The following ANKRD11 variants were observed in gnomAD, a reference collection of about 807,000 sequenced individuals.
The protein encoded by ANKRD11 is ankyrin repeat domain 11, also known as ankyrin repeat domain-containing protein 11.
Under a neutral mutation model 195.7 loss-of-function variants are expected in ANKRD11, and 17 were observed. The observed-to-expected ratio is 0.09, with a 90% CI of 0.06 to 0.13. The LOEUF is 0.13. ANKRD11 is among the 10% of genes least tolerant of loss of function. ANKRD11 has a pLI of 1.00. For missense variants in ANKRD11, 3,735 were observed against 3,566.1 expected (o/e 1.05, Z -1.21); for synonymous variants, 1,953 against 1,528.1 (o/e 1.28, Z -6.49).
rs2034199861 is a variant in ANKRD11, at chr16:89,281,147, G to C, written c.5395C>G (p.Pro1799Ala). 6.2e-7 allele frequency: 1 copy of C among 1,613,862 alleles called. No individual in the cohort carries two copies. Among genetic ancestry groups the C allele is most frequent in the Non-Finnish European group, 8.5e-7 (1 of 1,179,750 alleles). The change falls in exon 9 of 13, where the codon CCC (proline) becomes GCC (alanine). Residue 1799 changes from proline (P) to alanine (A), a missense_variant. By Grantham distance (27) the Pro-to-Ala change is conservative (BLOSUM62 -1). Transcript: ENST00000301030. The surrounding 1 kb of genome is among the most constrained non-coding windows in gnomAD (Gnocchi z 5.5). ...TCTCCGACGCTGAATTCTTCCTCGGGGGTCCTCCTAATGTCGACAGAGACC... is the reference window on the plus strand; with the variant it reads ...TCTCCGACGCTGAATTCTTCCTCGGCGGTCCTCCTAATGTCGACAGAGACC... ...RSVSVDIRRT[P>A]EEEFSVGDKL...
intron 2 of ANKRD11, among the ~76,000 whole-genome samples, chr16:89,344,217 G>A (rs565300490): frequency 3.3e-5 from 5 of 152,302 alleles, no homozygotes; most frequent in Admixed American, 6.5e-5. Context: ...AGGGCTTAAC[G>A]ATCCATTTCA....
intron 1 of ANKRD11, among the ~76,000 whole-genome samples, chr16:89,457,660 G>A (rs1203969661): frequency 6.6e-6 from 1 of 151,580 alleles, no homozygotes; most frequent in Non-Finnish European, 1.5e-5. Flanking sequence ...CACAATAACA[G>A]AAAGTGGGCT....
intron 2 of ANKRD11, among the ~76,000 whole-genome samples, chr16:89,342,395 G>A (rs376886720): frequency 7.2e-5 from 11 of 152,344 alleles, no homozygotes; most frequent in African/African-American, 2.6e-4. Flanking sequence ...GAGGCCTTGG[G>A]AAGACAGCAT....
chr16:89,458,230 C>T (rs1327832343), intron 1 of ANKRD11, among the ~76,000 whole-genome samples: 2 of 146,626 alleles, frequency 1.4e-5, no homozygotes, highest in Non-Finnish European at 1.5e-5. Flanking sequence ...AATTTCATTT[C>T]TTTTTTTTTT....
intron 1 of ANKRD11, among the ~76,000 whole-genome samples, chr16:89,461,515 T>G (rs2056668286): frequency 6.6e-6 from 1 of 152,136 alleles, no homozygotes; most frequent in Non-Finnish European, 1.5e-5. Context: ...CTAACTTTTG[T>G]ATTTTTTGTA....
intron 2 of ANKRD11, among the ~76,000 whole-genome samples, chr16:89,376,245 G>GA (rs1205133286): frequency 6.6e-6 from 1 of 152,160 alleles, no homozygotes; most frequent in Non-Finnish European, 1.5e-5. Context: ...TACAACAACT[G>GA]AAAGTAAAAG....
chr16:89,277,564 T>C (rs1457145486), intron 9 of ANKRD11: 1 of 152,262 alleles, frequency 6.6e-6, no homozygotes, highest in Non-Finnish European at 1.5e-5. Flanking sequence ...CAGAAGGTCT[T>C]ACTGAGGAGA....
At chr16:89,434,691 G>A (rs1345813137) in intron 1 of ANKRD11, among the ~76,000 whole-genome samples, 1 of 152,204 alleles carries the variant, frequency 6.6e-6, no homozygotes, top group Non-Finnish European at 1.5e-5. Context: ...GATGGGCAGA[G>A]ACTCACACAG....
At chr16:89,323,085 C>T in intron 2 of ANKRD11, 1 of 314,162 alleles carries the variant, frequency 3.2e-6, no homozygotes, top group South Asian at 2.4e-5. Flanking sequence ...TACGGCAACC[C>T]CTGCCTTTTC....
At chr16:89,428,998 A>G (rs1259446602) in intron 1 of ANKRD11, among the ~76,000 whole-genome samples, 3 of 152,232 alleles carry the variant, frequency 2.0e-5, no homozygotes, top group African/African-American at 7.2e-5. Context: ...CCCAACATCT[A>G]AGATGCAATG....
At chr16:89,449,543 G>A (rs529373670) in intron 1 of ANKRD11, among the ~76,000 whole-genome samples, 3 of 151,838 alleles carry the variant, frequency 2.0e-5, no homozygotes, top group Admixed American at 1.3e-4. Flanking sequence ...CCTGTAATCC[G>A]AGCACTTTGG....
intron 9 of ANKRD11, 164 bp downstream of exon 9, chr16:89,278,908 T>C (rs1342255929): frequency 1.7e-6 from 2 of 1,207,870 alleles, no homozygotes; most frequent in East Asian, 2.5e-5. Context: ...CTTCCGGCTT[T>C]TGCCTCCACA....
chr16:89,438,637 A>C (rs1342738114), intron 1 of ANKRD11, among the ~76,000 whole-genome samples: 1 of 152,096 alleles, frequency 6.6e-6, no homozygotes, highest in Non-Finnish European at 1.5e-5. Context: ...CCATCCAAGA[A>C]AATTTTCTAA....
intron 2 of ANKRD11, among the ~76,000 whole-genome samples, chr16:89,375,247 G>A (rs990800268): frequency 2.0e-5 from 3 of 152,234 alleles, no homozygotes; most frequent in East Asian, 1.9e-4. Context: ...TCGTCTCCGC[G>A]TGAGCAGCTG....
chr16:89,274,746 A>C, intron 11 of ANKRD11, 68 bp downstream of exon 11: 1 of 1,596,232 alleles, frequency 6.3e-7, no homozygotes, highest in Non-Finnish European at 8.5e-7. Flanking sequence ...AGAATCTATC[A>C]AGGGGAGGGG....
chr16:89,309,650 G>T (rs879310403), intron 3 of ANKRD11, among the ~76,000 whole-genome samples: 2 of 152,224 alleles, frequency 1.3e-5, no homozygotes, highest in Non-Finnish European at 2.9e-5. Context: ...CAGGAAGGCG[G>T]CTCCCATCCA....
At chr16:89,481,876 C>A (rs1441746837) in intron 1 of ANKRD11, among the ~76,000 whole-genome samples, 4 of 151,866 alleles carry the variant, frequency 2.6e-5, no homozygotes, top group African/African-American at 9.7e-5. Flanking sequence ...TCTGCAGTGA[C>A]ATTCTACTGA....
chr16:89,427,400 T>C (rs919817160), intron 1 of ANKRD11, among the ~76,000 whole-genome samples: 1 of 152,214 alleles, frequency 6.6e-6, no homozygotes, highest in Non-Finnish European at 1.5e-5. Flanking sequence ...TTTTCAAAAG[T>C]GATCCAAAAA....
intron 2 of ANKRD11, among the ~76,000 whole-genome samples, chr16:89,384,637 A>G (rs1052296593): frequency 6.6e-6 from 1 of 152,196 alleles, no homozygotes; most frequent in Non-Finnish European, 1.5e-5. Context: ...CTGCACTGGC[A>G]GTGGCACTGA....
Sources: gnomAD v4.1 joint callset for allele counts (sites outside exome capture counted in the v4.1 genomes callset) on GRCh38, gnomAD v4.1.1 for gene constraint, Gnocchi (gnomAD v3.1) non-coding constraint, MANE v1.5 for transcripts, NCBI Gene and HGNC (gene_info 2026-07-23, HGNC 2026-07-21) for gene names.